RNF138: variants seen among roughly 807,000 people sequenced by gnomAD.
The protein encoded by RNF138 is E3 ubiquitin-protein ligase RNF138.
Under a neutral mutation model 31.0 loss-of-function variants are expected in RNF138, and 12 were observed. That is an observed-to-expected ratio of 0.39 (90% CI 0.25 to 0.63). RNF138 has a LOEUF of 0.63. Among genes scored for constraint, RNF138 ranks in the 20% least tolerant of loss-of-function variants. RNF138 has a pLI of 0.52. For missense variants in RNF138, 192 were observed against 300.1 expected (o/e 0.64, Z 2.66); for synonymous variants, 105 against 99.5 (o/e 1.06, Z -0.33).
At chr18:32,109,242 C>T (rs1031966291) in intron 2 of RNF138, among the ~76,000 whole-genome samples, 4 of 151,928 alleles carry the variant, frequency 2.6e-5, no homozygotes, top group African/African-American at 9.7e-5. Flanking sequence ...CAACCTCTGC[C>T]TCACAGGCTC....
At chr18:32,097,978 T>G (rs1377249923) in intron 2 of RNF138, among the ~76,000 whole-genome samples, 2 of 23,224 alleles carry the variant, frequency 8.6e-5, no homozygotes. Flanking sequence ...GTGTGTGTGT[T>G]ATTTTTGTTT....
chr18:32,128,421 C>G lies in RNF138; in HGVS notation c.670-698C>G, dbSNP rs575256883. 3.3e-5 allele frequency among the ~76,000 whole-genome samples: 5 copies of G among 152,272 alleles called. No individual in the cohort carries two copies. The South Asian group carries it at 1.0e-3, about 32-fold the overall frequency. On this transcript the variant is annotated intron_variant, in intron 7 of 7. Coordinates refer to ENST00000261593, the MANE Select transcript of RNF138 (RefSeq NM_016271.5). ...GGTGTGGTGGTACGTATCTGTAATC[C>G]TAGCTACTTGGCAGGCTGAGGCACA...
intron 2 of RNF138, among the ~76,000 whole-genome samples, chr18:32,108,409 T>C (rs28556958): frequency 0.014 from 2,183 of 152,270 alleles, 56 homozygotes; most frequent in African/African-American, 0.05. Context: ...TTCTAAAAAA[T>C]AGAATCGTGC....
intron 4 of RNF138, among the ~76,000 whole-genome samples, chr18:32,116,949 T>C (rs1046983893): frequency 2.0e-5 from 3 of 152,170 alleles, no homozygotes; most frequent in African/African-American, 7.2e-5. Context: ...TCTCCCAGGC[T>C]GGAGTGCAGT....
chr18:32,098,897 C>T (rs1317753843), intron 2 of RNF138, among the ~76,000 whole-genome samples: 1 of 147,454 alleles, frequency 6.8e-6, no homozygotes, highest in Non-Finnish European at 1.5e-5. Context: ...ATCTTGAGGA[C>T]TAGTTTACAA....
intron 4 of RNF138, among the ~76,000 whole-genome samples, chr18:32,116,622 G>A (rs2144257997): frequency 6.6e-6 from 1 of 151,874 alleles, no homozygotes; most frequent in Middle Eastern, 3.4e-3. Context: ...CGTGAACATG[G>A]CTCACTGTAG....
intron 2 of RNF138, among the ~76,000 whole-genome samples, chr18:32,105,089 C>T (rs2040006760): frequency 6.6e-6 from 1 of 152,120 alleles, no homozygotes; most frequent in Admixed American, 6.5e-5. Flanking sequence ...ATTAAAAAAT[C>T]ATATGCTTTT....
intron 2 of RNF138, among the ~76,000 whole-genome samples, chr18:32,110,147 A>G (rs2144593294): frequency 6.6e-6 from 1 of 152,028 alleles, no homozygotes; most frequent in South Asian, 2.1e-4. Context: ...TACTATACCC[A>G]GCTAATTTTT....
At chr18:32,102,781 C>T (rs963394730) in intron 2 of RNF138, among the ~76,000 whole-genome samples, 3 of 151,854 alleles carry the variant, frequency 2.0e-5, no homozygotes, top group Admixed American at 6.6e-5. Context: ...TACAGGTGCG[C>T]AACACCACGC....
At chr18:32,092,570 G>T (rs2039712943) in intron 1 of RNF138, 130 bp from the exon 2 acceptor site, 5 of 561,360 alleles carry the variant, frequency 8.9e-6, no homozygotes, top group Non-Finnish European at 1.6e-5. Flanking sequence ...CGTGGGAGGG[G>T]TCGCCTCTTG....
intron 6 of RNF138, among the ~76,000 whole-genome samples, chr18:32,125,654 C>T (rs960469125): frequency 2.0e-5 from 3 of 152,094 alleles, no homozygotes; most frequent in African/African-American, 4.8e-5. Flanking sequence ...GCTTCAGGAC[C>T]GGGCACGGTG....
intron 2 of RNF138, among the ~76,000 whole-genome samples, chr18:32,103,539 C>T (rs894683453): frequency 8.0e-5 from 12 of 150,316 alleles, no homozygotes; most frequent in Admixed American, 5.3e-4. Flanking sequence ...ATATTCAAGG[C>T]ACCAAGAAAA....
intron 2 of RNF138, among the ~76,000 whole-genome samples, 165 bp downstream of exon 2, chr18:32,093,051 G>A (rs1456979708): frequency 6.6e-6 from 1 of 151,628 alleles, no homozygotes; most frequent in African/African-American, 2.4e-5. Flanking sequence ...GTCCCGGGGC[G>A]GCCTTTTCCT....
intron 2 of RNF138, among the ~76,000 whole-genome samples, chr18:32,094,401 T>C (rs1424920597): frequency 6.6e-6 from 1 of 152,230 alleles, no homozygotes; most frequent in Non-Finnish European, 1.5e-5. Flanking sequence ...TGGATTTTCA[T>C]GATAGAAATT....
intron 3 of RNF138, 78 bp downstream of exon 3, chr18:32,111,997 G>GTT: frequency 5.8e-6 from 7 of 1,202,202 alleles, no homozygotes; most frequent in Non-Finnish European, 7.8e-6. Context: ...TTCTTGGTTG[G>GTT]TGTTTTTTTT....
At chr18:32,096,459 T>C (rs538243078) in intron 2 of RNF138, among the ~76,000 whole-genome samples, 28 of 152,126 alleles carry the variant, frequency 1.8e-4, no homozygotes, top group African/African-American at 6.5e-4. Flanking sequence ...CTGGAATACA[T>C]GGAGCTAAAG....
chr18:32,108,289 T>G (rs1455326449), intron 2 of RNF138, among the ~76,000 whole-genome samples: 2 of 152,192 alleles, frequency 1.3e-5, no homozygotes, highest in African/African-American at 4.8e-5. Flanking sequence ...CAACAGATTA[T>G]TAGCATCCCA....
intron 4 of RNF138, among the ~76,000 whole-genome samples, chr18:32,120,549 A>T (rs535728131): frequency 1.3e-3 from 196 of 152,294 alleles, no homozygotes; most frequent in South Asian, 3.5e-3. Context: ...ATAAGTTTTT[A>T]AAAAAATAAT....
chr18:32,115,749 ACACACACACG>A (rs1328340059), intron 4 of RNF138, among the ~76,000 whole-genome samples: 20 of 152,094 alleles, frequency 1.3e-4, no homozygotes, highest in East Asian at 3.9e-4. Context: ...CGTCTAAAAC[ACACACACACG>A]CACACACACG....
Sources: allele counts gnomAD v4.1 joint callset (sites outside exome capture counted in the v4.1 genomes callset), GRCh38; gene constraint gnomAD v4.1.1; transcripts MANE v1.5; gene names NCBI Gene and HGNC (gene_info 2026-07-23, HGNC 2026-07-21).